The following DISC1 variants were observed in gnomAD, a reference collection of about 807,000 sequenced individuals.
DISC1 encodes the protein DISC1 scaffold protein.
In DISC1, 57 loss-of-function variants were observed where a neutral mutation model predicts 84.5. That is an observed-to-expected ratio of 0.67 (90% CI 0.55 to 0.84). The LOEUF (loss-of-function observed/expected upper bound fraction) is 0.84, where lower values mean the gene tolerates loss of function less well. DISC1 is among the 40% of genes least tolerant of loss of function. DISC1 has a pLI of 0.00. For missense variants in DISC1, 1,000 were observed against 1,057.8 expected (o/e 0.95, Z 0.76); for synonymous variants, 411 against 415.2 (o/e 0.99, Z 0.12).
chr1:231,952,012 GT>G (rs1345712471), intron 9 of DISC1, among the ~76,000 whole-genome samples: 1 of 141,978 alleles, frequency 7.0e-6, no homozygotes, highest in Admixed American at 7.6e-5. Flanking sequence ...GAGCCCAGGA[GT>G]TCAAGGCTGT....
chr1:231,930,125 C>T (rs201300131), intron 9 of DISC1, among the ~76,000 whole-genome samples: 7 of 152,276 alleles, frequency 4.6e-5, no homozygotes, highest in Non-Finnish European at 1.0e-4. Context: ...AAAAGAAAAG[C>T]ATTTATTTAA....
intron 10 of DISC1, among the ~76,000 whole-genome samples, chr1:231,971,356 A>T (rs1661929618): frequency 6.6e-6 from 1 of 152,246 alleles, no homozygotes; most frequent in Non-Finnish European, 1.5e-5. Flanking sequence ...AGCTTCAGAC[A>T]CATGATTAAT....
At position 231,819,267 on chromosome 1, in the gene DISC1, G is replaced by C. The variant is rs1021489172; in HGVS notation, c.1981+750G>C. On this transcript the variant is annotated intron_variant, in intron 9 of 12. Transcript: ENST00000439617. ...TTTACAAAGTATGCTTATTTAAGAA[G>C]AAATAAGAAAAAACGGGGCTGATAG... 11 of 637,628 alleles carry C rather than the reference G, an allele frequency of 1.7e-5. No individual in the cohort carries two copies. The African/African-American group carries it at 2.2e-4, about 13-fold the overall frequency. The allele number at this position is 637,628 out of a possible 1,614,324, so 39.5% of individuals were successfully genotyped here. A position where few individuals can be genotyped will look rare whatever the true frequency, so the allele number is the denominator to read the frequency against.
chr1:231,772,927 G>A (rs534131699), intron 6 of DISC1, among the ~76,000 whole-genome samples: 113 of 152,212 alleles, frequency 7.4e-4, no homozygotes, highest in African/African-American at 2.4e-3. Context: ...GATTGTTGCC[G>A]GTTTTCATCC....
chr1:231,936,275 G>A (rs201238222), intron 9 of DISC1, among the ~76,000 whole-genome samples: 7 of 152,008 alleles, frequency 4.6e-5, no homozygotes, highest in Non-Finnish European at 7.4e-5. Flanking sequence ...TAGATTCACC[G>A]TTTTCATCCT....
At chr1:231,955,634 C>T (rs1659356481) in intron 9 of DISC1, among the ~76,000 whole-genome samples, 1 of 151,908 alleles carries the variant, frequency 6.6e-6, no homozygotes. Context: ...GGATTACAGG[C>T]ACCCACCACC....
intron 6 of DISC1, among the ~76,000 whole-genome samples, chr1:231,787,375 CAA>C (rs547537991): frequency 5.4e-4 from 82 of 151,598 alleles, no homozygotes; most frequent in African/African-American, 1.9e-3. Flanking sequence ...AGCAGAAGGG[CAA>C]GAGAGAGAGA....
intron 9 of DISC1, among the ~76,000 whole-genome samples, chr1:231,888,246 C>T (rs1174624803): frequency 2.0e-5 from 3 of 152,112 alleles, no homozygotes; most frequent in African/African-American, 7.2e-5. Context: ...TCAAGAAGAG[C>T]AACTGCACGG....
At chr1:231,917,202 A>G (rs1172398154) in intron 9 of DISC1, among the ~76,000 whole-genome samples, 1 of 152,192 alleles carries the variant, frequency 6.6e-6, no homozygotes, top group African/African-American at 2.4e-5. Flanking sequence ...TGAAGGACTC[A>G]TTTCTCTAAC....
At chr1:231,998,892 A>G (rs1299427432) in intron 10 of DISC1, among the ~76,000 whole-genome samples, 1 of 152,194 alleles carries the variant, frequency 6.6e-6, no homozygotes, top group Non-Finnish European at 1.5e-5. Context: ...ATATCAATTT[A>G]TTGCTTCAGC....
intron 5 of DISC1, among the ~76,000 whole-genome samples, chr1:231,768,523 A>G (rs987933344): frequency 5.9e-5 from 9 of 151,854 alleles, no homozygotes; most frequent in Non-Finnish European, 8.8e-5. Context: ...ACATTTGCCA[A>G]TTAAAGGTCT....
chr1:231,800,005 TTTTAATTACTTACAAA>T, intron 7 of DISC1, 87 bp from the exon 8 acceptor site: 2 of 743,290 alleles, frequency 2.7e-6, no homozygotes, highest in Non-Finnish European at 4.5e-6. Context: ...TCATCACCCC[TTTTAATTACTTACAAA>T]CCCAGAAATC....
intron 11 of DISC1, among the ~76,000 whole-genome samples, chr1:232,024,956 T>A (rs1572674297): frequency 1.3e-5 from 2 of 152,336 alleles, no homozygotes; most frequent in Admixed American, 1.3e-4. Context: ...ATCTTTACAT[T>A]TAAGTTTTAA....
At position 232,041,162 on chromosome 1, in the gene DISC1, A is replaced by G. The variant is rs1670770177; in HGVS notation, c.*4331A>G. 1 of 152,222 alleles carries G rather than the reference A, an allele frequency of 6.6e-6. No individual in the cohort carries two copies. Among genetic ancestry groups the G allele is most frequent in the South Asian group, 2.1e-4 (1 of 4,822 alleles). The allele number at this position is 152,222 out of a possible 1,614,324, so 9.4% of individuals were successfully genotyped here. A position where few individuals can be genotyped will look rare whatever the true frequency, so the allele number is the denominator to read the frequency against. ...TTGATGATTTTTTGTCCTTTGAAGTATGGATGATAGAAAAATGTATCAGGT... is the reference window on the plus strand; with the variant it reads ...TTGATGATTTTTTGTCCTTTGAAGTGTGGATGATAGAAAAATGTATCAGGT... On this transcript the variant is annotated 3_prime_UTR_variant, in exon 13 of 13. Coordinates refer to ENST00000439617, the MANE Select transcript of DISC1 (RefSeq NM_018662.3).
At chr1:232,019,104 GGACCTCATCATCTGGTGAGGGA>G (rs1668726056) in intron 11 of DISC1, among the ~76,000 whole-genome samples, 1 of 152,186 alleles carries the variant, frequency 6.6e-6, no homozygotes, top group African/African-American at 2.4e-5. Context: ...GGCAGGGCCA[GGACCTCATCATCTGGTGAGGGA>G]GACAGGCGGT....
chr1:231,714,499 A>G (rs775664551), intron 3 of DISC1, among the ~76,000 whole-genome samples: 21 of 152,192 alleles, frequency 1.4e-4, no homozygotes, highest in South Asian at 6.2e-4. Flanking sequence ...AAAGAGAAAC[A>G]TAGAATCACC....
chr1:231,830,139 G>A (rs1039894995), intron 9 of DISC1, among the ~76,000 whole-genome samples: 3 of 152,058 alleles, frequency 2.0e-5, no homozygotes, highest in African/African-American at 7.2e-5. Context: ...GTAAAGTGTT[G>A]GGATGGTGAA....
At chr1:231,732,896 G>A (rs952953841) in intron 3 of DISC1, among the ~76,000 whole-genome samples, 4 of 149,590 alleles carry the variant, frequency 2.7e-5, no homozygotes, top group African/African-American at 9.8e-5. Flanking sequence ...GAGATGAGTT[G>A]GTGGTGTAGG....
At chr1:231,762,145 CCTT>C (rs1558497503) in intron 4 of DISC1, among the ~76,000 whole-genome samples, 1 of 119,732 alleles carries the variant, frequency 8.4e-6, no homozygotes, top group Non-Finnish European at 1.8e-5. Context: ...TTCTTTCTTT[CCTT>C]CTTTCTTTTT....
Sources: gnomAD v4.1 joint callset for allele counts (sites outside exome capture counted in the v4.1 genomes callset) on GRCh38, gnomAD v4.1.1 for gene constraint, MANE v1.5 for transcripts, NCBI Gene and HGNC (gene_info 2026-07-23, HGNC 2026-07-21) for gene names.